The following DLG2 variants were observed in gnomAD, a reference collection of about 807,000 sequenced individuals.
DLG2 encodes disks large homolog 2.
DLG2 carries 45 observed loss-of-function variants against 132.5 expected under a neutral mutation model. That is an observed-to-expected ratio of 0.34 (90% CI 0.27 to 0.44). The LOEUF is 0.44. Among genes scored for constraint, DLG2 ranks in the 20% least tolerant of loss-of-function variants. DLG2 has a pLI of 1.00. For synonymous variants in DLG2, 424 were observed against 419.6 expected, an observed-to-expected ratio of 1.01 and a Z score of -0.13; for missense variants, 1,045 against 1,196.9, an observed-to-expected ratio of 0.87 and a Z score of 1.87.
intron 6 of DLG2, among the ~76,000 whole-genome samples, chr11:84,686,240 A>C (rs1378497412): frequency 6.6e-6 from 1 of 152,194 alleles, no homozygotes; most frequent in South Asian, 2.1e-4. Flanking sequence ...GTTCTCCATA[A>C]GAGGCTGTCA....
At chr11:84,309,362 ATC>A (rs2098264833) in intron 7 of DLG2, among the ~76,000 whole-genome samples, 1 of 152,226 alleles carries the variant, frequency 6.6e-6, no homozygotes, top group Non-Finnish European at 1.5e-5. Context: ...CCTCATAATT[ATC>A]TGACAATAAT....
rs528604014 is a variant in DLG2 at position 83,818,796 on chromosome 11, G to T, written c.1722+14818C>A. ...ATTAAGGTTGTACTCTTTGTCATAA[G>T]AAATGACTATGAATATGAACGTAAA... On this transcript the variant is annotated intron_variant, in intron 17 of 27. Transcript: ENST00000376104. Among the ~76,000 whole-genome samples the T allele has an allele frequency of 2.1e-4, 32 of 152,234 alleles. 1 individual carries two copies. The South Asian group carries it at 6.6e-3, about 32-fold the overall frequency.
chr11:84,400,655 T>C (rs1201465487), intron 7 of DLG2, among the ~76,000 whole-genome samples: 2 of 152,180 alleles, frequency 1.3e-5, no homozygotes, highest in Non-Finnish European at 2.9e-5. Context: ...GGAAACTAAG[T>C]TTCCTTTTCT....
At chr11:85,230,088 T>C (rs913154769) in intron 4 of DLG2, among the ~76,000 whole-genome samples, 2 of 151,920 alleles carry the variant, frequency 1.3e-5, no homozygotes, top group Admixed American at 6.6e-5. Context: ...TGTAACAAAA[T>C]TGCACATTCT....
At chr11:84,727,043 G>A (rs4612831) in intron 6 of DLG2, among the ~76,000 whole-genome samples, 61,378 of 151,988 alleles carry the variant, frequency 0.4, 12,786 homozygotes, top group African/African-American at 0.52. Context: ...CCATTCTGTA[G>A]GTTGCCTGTT....
At chr11:84,376,033 AG>A (rs1407402984) in intron 7 of DLG2, among the ~76,000 whole-genome samples, 1 of 151,980 alleles carries the variant, frequency 6.6e-6, no homozygotes, top group African/African-American at 2.4e-5. Flanking sequence ...CCACGTAATA[AG>A]ATGTTGATAA....
chr11:83,465,029 T>C (rs1591284629), intron 26 of DLG2, among the ~76,000 whole-genome samples: 1 of 152,336 alleles, frequency 6.6e-6, no homozygotes, highest in East Asian at 1.9e-4. Context: ...AGGAGAAATT[T>C]AATACATGCT....
chr11:84,743,180 T>G (rs535472636), intron 6 of DLG2, among the ~76,000 whole-genome samples: 2 of 152,152 alleles, frequency 1.3e-5, no homozygotes, highest in Non-Finnish European at 2.9e-5. Context: ...TACATAACTA[T>G]AGAACAATAT....
intron 17 of DLG2, among the ~76,000 whole-genome samples, chr11:83,825,369 T>G (rs1014298399): frequency 7.9e-5 from 12 of 151,708 alleles, no homozygotes; most frequent in Middle Eastern, 3.4e-3. Context: ...TTAGTAGAGA[T>G]GGGGTTTCTC....
chr11:84,044,248 C>T (rs1413905193), intron 11 of DLG2, among the ~76,000 whole-genome samples: 2 of 151,778 alleles, frequency 1.3e-5, no homozygotes, highest in African/African-American at 4.8e-5. Context: ...TAGAACACCA[C>T]CTAATACATA....
intron 12 of DLG2, among the ~76,000 whole-genome samples, chr11:83,970,477 T>C (rs1187662453): frequency 1.3e-5 from 2 of 152,152 alleles, no homozygotes; most frequent in African/African-American, 4.8e-5. Flanking sequence ...ACTGAAATAT[T>C]GAAAAATTTA....
At chr11:85,183,480 T>G (rs72945944) in intron 4 of DLG2, among the ~76,000 whole-genome samples, 9,000 of 151,932 alleles carry the variant, frequency 0.059, 417 homozygotes, top group African/African-American at 0.12. Context: ...AAAACTTAAG[T>G]GACCAAGGTC....
intron 4 of DLG2, among the ~76,000 whole-genome samples, chr11:85,207,707 A>G (rs774834814): frequency 2.0e-5 from 3 of 152,096 alleles, no homozygotes; most frequent in Non-Finnish European, 4.4e-5. Context: ...AAAAATTCAT[A>G]TTTTGGCACT....
At chr11:83,913,410 A>C (rs2076396080) in intron 15 of DLG2, among the ~76,000 whole-genome samples, 1 of 152,166 alleles carries the variant, frequency 6.6e-6, no homozygotes, top group African/African-American at 2.4e-5. Flanking sequence ...CTTTCCAGGC[A>C]CATTGCTGGC....
At chr11:85,501,860 C>T (rs1035901313) in intron 3 of DLG2, among the ~76,000 whole-genome samples, 1 of 152,106 alleles carries the variant, frequency 6.6e-6, no homozygotes, top group Non-Finnish European at 1.5e-5. Flanking sequence ...GACAGTGTGG[C>T]AATTCTGTAA....
chr11:84,639,356 T>G (rs887063404), intron 6 of DLG2, among the ~76,000 whole-genome samples: 6 of 152,062 alleles, frequency 3.9e-5, no homozygotes, highest in African/African-American at 7.2e-5. Flanking sequence ...GTGTTTTTTT[T>G]TTTTTTTTTG....
intron 6 of DLG2, among the ~76,000 whole-genome samples, chr11:84,732,173 G>A (rs553055924): frequency 6.6e-6 from 1 of 152,030 alleles, no homozygotes; most frequent in South Asian, 2.1e-4. Flanking sequence ...TACATAATTT[G>A]TCTATATTTG....
rs1341837987 is a variant in DLG2, at chr11:84,545,048, T to C, written c.358-10317A>G. On this transcript the variant is annotated intron_variant, in intron 6 of 27. Transcript: ENST00000376104. ...AGCTAGGTGCTGCCACCACTGTGCATGGCTGAGTTCACAAATCTGTTGTAA... is the reference window on the plus strand; with the variant it reads ...AGCTAGGTGCTGCCACCACTGTGCACGGCTGAGTTCACAAATCTGTTGTAA... 1.1e-5 allele frequency: 5 copies of C among 453,498 alleles called. No individual in the cohort carries two copies. The East Asian group carries it at 2.8e-4, about 25-fold the overall frequency. The allele number at this position is 453,498 out of a possible 1,614,324, so 28.1% of individuals were successfully genotyped here.
chr11:83,728,286 G>T (rs1012626202), intron 18 of DLG2, among the ~76,000 whole-genome samples: 1 of 152,114 alleles, frequency 6.6e-6, no homozygotes, highest in Non-Finnish European at 1.5e-5. Context: ...CAACTAAAGC[G>T]CAAAGCCCAT....
Sources: allele counts gnomAD v4.1 joint callset (sites outside exome capture counted in the v4.1 genomes callset), GRCh38; gene constraint gnomAD v4.1.1; transcripts MANE v1.5; gene names NCBI Gene and HGNC (gene_info 2026-07-23, HGNC 2026-07-21).